TXNDC15: variants seen among roughly 807,000 people sequenced by gnomAD.
The protein encoded by TXNDC15 is thioredoxin domain-containing protein 15.
Under a neutral mutation model 35.0 loss-of-function variants are expected in TXNDC15, and 24 were observed. That is an observed-to-expected ratio of 0.68 (90% CI 0.50 to 0.96). TXNDC15 has a LOEUF of 0.96. Among genes scored for constraint, TXNDC15 ranks in the 40% least tolerant of loss-of-function variants. TXNDC15 has a pLI of 0.00. For synonymous variants in TXNDC15, 169 were observed against 174.0 expected, an observed-to-expected ratio of 0.97 and a Z score of 0.23; for missense variants, 385 against 453.3, an observed-to-expected ratio of 0.85 and a Z score of 1.37.
chr5:134,893,999 C>T (rs1230077551), intron 3 of TXNDC15, among the ~76,000 whole-genome samples: 4 of 152,104 alleles, frequency 2.6e-5, no homozygotes, highest in African/African-American at 9.7e-5. Flanking sequence ...TCCTTTGTGA[C>T]TTTAAGGCGC....
At chr5:134,890,270 A>G (rs1227379272) in intron 2 of TXNDC15, among the ~76,000 whole-genome samples, 1 of 151,980 alleles carries the variant, frequency 6.6e-6, no homozygotes, top group Non-Finnish European at 1.5e-5. Context: ...CCTGGGCTCA[A>G]GTGATCCTCC....
At chr5:134,881,500 G>A (rs1179543729) in intron 1 of TXNDC15, among the ~76,000 whole-genome samples, 1 of 92,162 alleles carries the variant, frequency 1.1e-5, no homozygotes, top group Non-Finnish European at 2.1e-5. Flanking sequence ...GCACAGGGTT[G>A]GGGGTAAGGT....
intron 1 of TXNDC15, chr5:134,875,138 T>TG (rs1750006113): frequency 2.2e-6 from 1 of 456,078 alleles, no homozygotes; most frequent in African/African-American, 2.0e-5. Flanking sequence ...GCTCCCTGCA[T>TG]GAAAAACAGA....
intron 2 of TXNDC15, among the ~76,000 whole-genome samples, chr5:134,890,041 A>G (rs1750357111): frequency 6.6e-6 from 1 of 151,686 alleles, no homozygotes; most frequent in Non-Finnish European, 1.5e-5. Context: ...GGCTCTGGCA[A>G]TTTCTTTGAG....
intron 4 of TXNDC15, among the ~76,000 whole-genome samples, chr5:134,897,406 C>G (rs1476745476): frequency 4.0e-5 from 6 of 151,832 alleles, no homozygotes; most frequent in Non-Finnish European, 8.8e-5. Context: ...CACCACCACA[C>G]CTGGCTAATT....
chr5:134,874,646 T>G, intron 1 of TXNDC15, 116 bp downstream of exon 1: 1 of 809,494 alleles, frequency 1.2e-6, no homozygotes, highest in Non-Finnish European at 1.8e-6. Flanking sequence ...TCTTGGCGTC[T>G]CCCCGGGCGC....
intron 3 of TXNDC15, among the ~76,000 whole-genome samples, chr5:134,894,485 A>G (rs1008816665): frequency 2.0e-5 from 3 of 150,024 alleles, no homozygotes; most frequent in African/African-American, 7.4e-5. Context: ...CTCCTGCCTC[A>G]GCCTCCTGAG....
intron 4 of TXNDC15, among the ~76,000 whole-genome samples, chr5:134,896,653 T>C (rs1223386189): frequency 7.6e-6 from 1 of 131,370 alleles, no homozygotes; most frequent in Non-Finnish European, 1.5e-5. Flanking sequence ...TTTTTTCCCT[T>C]TTTTTTTTTT....
chr5:134,874,364 A>T, upstream of TXNDC15: 1 of 1,420,558 alleles, frequency 7.0e-7, no homozygotes, highest in Non-Finnish European at 9.4e-7. Context: ...CTCCTCCCCC[A>T]GCCTTCCTCC....
intron 1 of TXNDC15, among the ~76,000 whole-genome samples, chr5:134,879,357 A>G (rs1294919979): frequency 6.6e-6 from 1 of 152,152 alleles, no homozygotes; most frequent in African/African-American, 2.4e-5. Context: ...TCGTTTTGGC[A>G]TTCTTCATTT....
intron 2 of TXNDC15, among the ~76,000 whole-genome samples, chr5:134,889,627 C>T (rs1225048248): frequency 1.3e-5 from 2 of 152,138 alleles, no homozygotes; most frequent in East Asian, 1.9e-4. Context: ...GATTTGAGAT[C>T]GTAGTCCTCT....
chr5:134,886,208 C>T (rs1348892724), intron 1 of TXNDC15, among the ~76,000 whole-genome samples: 1 of 152,226 alleles, frequency 6.6e-6, no homozygotes, highest in Non-Finnish European at 1.5e-5. Context: ...ACAAAAAGCT[C>T]TACAGGGATA....
At chr5:134,875,078 C>T in intron 1 of TXNDC15, 3 of 454,450 alleles carry the variant, frequency 6.6e-6, no homozygotes, top group East Asian at 7.0e-5. Flanking sequence ...AAAGCCCAGT[C>T]TGGAGTCCAC....
intron 2 of TXNDC15, chr5:134,892,928 A>C (rs1343955209): frequency 1.3e-5 from 2 of 153,008 alleles, no homozygotes; most frequent in Non-Finnish European, 2.9e-5. Context: ...CCCCAAAACA[A>C]TTACAATAGT....
rs749691199 is a variant in TXNDC15 at position 134,893,516 on chromosome 5, A to G, written c.616A>G (p.Asn206Asp). The change falls in exon 3 of 5, where the codon AAC (asparagine) becomes GAC (aspartate). Residue 206 changes from asparagine (N) to aspartate (D), a missense_variant. Physicochemically the swap from Asn to Asp is conservative, Grantham distance 23. Coordinates refer to ENST00000358387, the MANE Select transcript of TXNDC15 (RefSeq NM_024715.4). ...GGACCTTATGGATTTTCTGAACCCA[A>G]ACGGTAGTGACTGTACTCTAGTCCT... ...SQDLMDFLNP[N>D]GSDCTLVLFY... The G allele has an allele frequency of 1.2e-6, 2 of 1,614,158 alleles. No individual in the cohort carries two copies. The highest frequency in any genetic ancestry group is 1.3e-5 in the African/African-American group (1 of 75,030).
chr5:134,877,254 G>T (rs1048137186), intron 1 of TXNDC15, among the ~76,000 whole-genome samples: 7 of 152,142 alleles, frequency 4.6e-5, no homozygotes, highest in African/African-American at 1.7e-4. Context: ...GATAGGAGGA[G>T]TGTAAATGAT....
chr5:134,897,100 A>C (rs1209495202), intron 4 of TXNDC15, among the ~76,000 whole-genome samples: 1 of 149,682 alleles, frequency 6.7e-6, no homozygotes, highest in Non-Finnish European at 1.5e-5. Flanking sequence ...TGCCCAGCTA[A>C]TTTTTGTATT....
intron 1 of TXNDC15, among the ~76,000 whole-genome samples, chr5:134,882,392 C>T (rs1052690810): frequency 5.3e-5 from 8 of 151,888 alleles, no homozygotes; most frequent in African/African-American, 1.7e-4. Flanking sequence ...CCTCACATCC[C>T]AGACAATGGG....
intron 2 of TXNDC15, 109 bp downstream of exon 2, chr5:134,888,291 G>A (rs1580864140): frequency 1.7e-6 from 2 of 1,151,018 alleles, no homozygotes; most frequent in South Asian, 1.6e-5. Flanking sequence ...TATTGTAAGC[G>A]AGATAGCATT....
Sources: gnomAD v4.1 joint callset for allele counts (sites outside exome capture counted in the v4.1 genomes callset) on GRCh38, gnomAD v4.1.1 for gene constraint, MANE v1.5 for transcripts, NCBI Gene and HGNC (gene_info 2026-07-23, HGNC 2026-07-21) for gene names.